Variants in NPL observed in about 807,000 individuals in gnomAD.
The protein encoded by NPL is N-acetylneuraminate pyruvate lyase, also known as N-acetylneuraminate lyase.
NPL carries 32 observed loss-of-function variants against 41.1 expected under a neutral mutation model. That is an observed-to-expected ratio of 0.78 (90% CI 0.59 to 1.05). NPL has a LOEUF of 1.05. Among genes scored for constraint, NPL ranks in the 50% least tolerant of loss-of-function variants. The probability of loss-of-function intolerance (pLI) is 0.00; values close to 1 mark genes in which losing one functional copy is unlikely to be tolerated. For synonymous variants in NPL, 128 were observed against 134.9 expected, an observed-to-expected ratio of 0.95 and a Z score of 0.35; for missense variants, 321 against 378.4, an observed-to-expected ratio of 0.85 and a Z score of 1.26.
chr1:182,812,160 G>T lies in NPL; in HGVS notation c.235G>T (p.Asp79Tyr), dbSNP rs764307290. The T allele has an allele frequency of 6.2e-7, 1 of 1,613,968 alleles. No individual in the cohort carries two copies. Among genetic ancestry groups the T allele is most frequent in the Admixed American group, 1.7e-5 (1 of 60,006 alleles). Reference sequence around the variant, plus strand: ...GCAGTGTTTTTTCTTTTGCAGGCTGGATCAGGTGATAATTCACGTAGGAGC... The same window carrying T: ...GCAGTGTTTTTTCTTTTGCAGGCTGTATCAGGTGATAATTCACGTAGGAGC... ...EWVTKGKDKL[D>Y]QVIIHVGALS... Residue 79 changes from aspartate (D) to tyrosine (Y), a missense_variant, in exon 6 of 13, where the codon GAT becomes TAT. By Grantham distance (160) the Asp-to-Tyr change is radical (BLOSUM62 -3). Coordinates refer to ENST00000367553, the MANE Select transcript of NPL (RefSeq NM_030769.3).
chr1:182,794,211 A>C (rs935975682), intron 2 of NPL, 145 bp from the exon 3 acceptor site: 9 of 772,530 alleles, frequency 1.2e-5, no homozygotes, highest in Non-Finnish European at 1.8e-5. Flanking sequence ...TTAAGCACTA[A>C]AATTTTACCA....
chr1:182,823,041 G>A (rs930888110), intron 11 of NPL, among the ~76,000 whole-genome samples: 1 of 152,178 alleles, frequency 6.6e-6, no homozygotes, highest in African/African-American at 2.4e-5. Context: ...GCTAACATCT[G>A]GTTCTAACCC....
intron 12 of NPL, 185 bp downstream of exon 12, chr1:182,826,005 T>C (rs1265357039): frequency 1.5e-6 from 1 of 654,244 alleles, no homozygotes; most frequent in East Asian, 2.6e-5. Flanking sequence ...AGTTGGAAAA[T>C]CTTTGGCAAC....
At chr1:182,822,555 C>T (rs1200379339) in intron 11 of NPL, among the ~76,000 whole-genome samples, 1 of 152,140 alleles carries the variant, frequency 6.6e-6, no homozygotes, top group Non-Finnish European at 1.5e-5. Flanking sequence ...TCAGAGTTAT[C>T]ACAGAATATG....
At chr1:182,805,291 C>T (rs1298436842) in intron 4 of NPL, among the ~76,000 whole-genome samples, 5 of 152,112 alleles carry the variant, frequency 3.3e-5, no homozygotes, top group African/African-American at 9.7e-5. Context: ...CTTAGCTGGG[C>T]ATGGTGGTGG....
intron 10 of NPL, among the ~76,000 whole-genome samples, chr1:182,820,859 G>A (rs147474079): frequency 6.6e-6 from 1 of 152,170 alleles, no homozygotes; most frequent in Non-Finnish European, 1.5e-5. Context: ...TTTAGGCAGG[G>A]ACATAGATCC....
intron 5 of NPL, among the ~76,000 whole-genome samples, 160 bp from the exon 6 acceptor site, chr1:182,811,996 A>ATT (rs1667188842): frequency 6.6e-6 from 1 of 152,228 alleles, no homozygotes; most frequent in African/African-American, 2.4e-5. Context: ...AAAGATCACC[A>ATT]TAAGCCCCTT....
At position 182,816,922 on chromosome 1, in the gene NPL, T is replaced by G. The variant is rs1380125125; in HGVS notation, c.457+116T>G. ...CCATGCCCCAAAAGCACACCACCAC[T>G]GACTGGGCAGTTCCAGTTGTTTCTA... On this transcript the variant is annotated intron_variant, in intron 8 of 12. Coordinates refer to ENST00000367553, the MANE Select transcript of NPL (RefSeq NM_030769.3). The G allele has an allele frequency of 3.9e-6, 3 of 760,652 alleles. No homozygotes were observed. In the African/African-American group the frequency reaches 5.2e-5, roughly 13 times the overall value. The allele number at this position is 760,652 out of a possible 1,614,324, so 47.1% of individuals were successfully genotyped here. A position where few individuals can be genotyped will look rare whatever the true frequency, so the allele number is the denominator to read the frequency against.
intron 8 of NPL, among the ~76,000 whole-genome samples, chr1:182,817,978 C>T (rs1271736906): frequency 6.6e-6 from 1 of 152,188 alleles, no homozygotes; most frequent in Non-Finnish European, 1.5e-5. Flanking sequence ...CTTTCCTCCC[C>T]AGAGGCCAAG....
chr1:182,804,621 T>C, intron 4 of NPL, among the ~76,000 whole-genome samples: 1 of 152,220 alleles, frequency 6.6e-6, no homozygotes, highest in East Asian at 1.9e-4. Context: ...TTACCTGCGA[T>C]TGAGCTGTCC....
At chr1:182,820,913 C>A (rs141815443) in intron 10 of NPL, among the ~76,000 whole-genome samples, 1 of 152,276 alleles carries the variant, frequency 6.6e-6, no homozygotes, top group Non-Finnish European at 1.5e-5. Context: ...GAAATTCTTT[C>A]TTTTTTGGCT....
chr1:182,799,331 A>C (rs534952339), intron 3 of NPL, among the ~76,000 whole-genome samples: 36 of 152,386 alleles, frequency 2.4e-4, no homozygotes, highest in African/African-American at 8.7e-4. Context: ...AAAAGTAATT[A>C]TACTCATCCA....
intron 10 of NPL, among the ~76,000 whole-genome samples, chr1:182,819,385 G>A (rs1431526433): frequency 1.3e-5 from 2 of 151,986 alleles, no homozygotes; most frequent in African/African-American, 4.8e-5. Flanking sequence ...GGCGGAGGTT[G>A]CAGTGAGCTG....
chr1:182,818,721 C>G (rs1466570509), intron 9 of NPL, 32 bp downstream of exon 9: 1 of 1,614,106 alleles, frequency 6.2e-7, no homozygotes, highest in East Asian at 2.2e-5. Context: ...TGCAGCAGGT[C>G]AGTTCCCTCC....
intron 5 of NPL, among the ~76,000 whole-genome samples, chr1:182,810,222 T>A (rs551354635): frequency 6.6e-6 from 1 of 152,276 alleles, no homozygotes; most frequent in Non-Finnish European, 1.5e-5. Flanking sequence ...TAATCCCACT[T>A]TGAGATGACC....
In NPL at chr1:182,803,808, G is replaced by A. The variant is rs982150145; in HGVS notation, c.142+37G>A. 4.2e-6 allele frequency: 6 copies of A among 1,412,278 alleles called. No individual in the cohort carries two copies. In the African/African-American group the frequency reaches 8.5e-5, roughly 20 times the overall value. 87.5% of individuals were successfully genotyped at this position (1,412,278 alleles called of 1,614,324 possible). A position where few individuals can be genotyped will look rare whatever the true frequency, so the allele number is the denominator to read the frequency against. Reference sequence around the variant, plus strand: ...CTGGGGATGTCGCTGCATGTCTCCAGCTCAGTCTTTAGAAGGTATATCTTA... The same window carrying A: ...CTGGGGATGTCGCTGCATGTCTCCAACTCAGTCTTTAGAAGGTATATCTTA... On this transcript the variant is annotated intron_variant, in intron 4 of 12. Transcript: ENST00000367553.
intron 3 of NPL, chr1:182,795,860 C>A (rs1666647374): frequency 6.6e-6 from 1 of 152,104 alleles, no homozygotes; most frequent in African/African-American, 2.4e-5. Context: ...TTTCTGTAAT[C>A]TCCTAACACT....
At position 182,828,891 on chromosome 1, in the gene NPL, T is replaced by C. The variant is rs780982728; in HGVS notation, c.946T>C (p.Leu316=). The change falls in exon 13 of 13, where the codon TTG becomes CTG. Residue 316 remains leucine, a synonymous_variant. Transcript: ENST00000367553. The surrounding 1 kb of genome is among the most constrained non-coding windows in gnomAD (Gnocchi z 4.0). ...TTTCACTGATTTAAAGGATGGAAAC[T>C]TGGAAGCTGGTAGCTAGTGCCTCTC... The part of the protein sequence containing the change: ...LSFTDLKDGN[L]EAGS 2 of 1,614,208 alleles carry C rather than the reference T, an allele frequency of 1.2e-6. No homozygotes were observed. Among genetic ancestry groups the C allele is most frequent in the South Asian group, 2.2e-5 (2 of 91,090 alleles).
intron 1 of NPL, among the ~76,000 whole-genome samples, chr1:182,791,036 T>G (rs1666500123): frequency 1.3e-5 from 2 of 152,152 alleles, no homozygotes. Flanking sequence ...GCAAAGAAAT[T>G]TTCCAAGCTG....
Sources: allele counts gnomAD v4.1 joint callset (sites outside exome capture counted in the v4.1 genomes callset), GRCh38; gene constraint gnomAD v4.1.1; non-coding constraint Gnocchi (gnomAD v3.1); transcripts MANE v1.5; gene names NCBI Gene and HGNC (gene_info 2026-07-23, HGNC 2026-07-21).